The following PTPRD variants were observed in gnomAD, a reference collection of about 807,000 sequenced individuals.
PTPRD encodes protein tyrosine phosphatase receptor type D, also known as receptor-type tyrosine-protein phosphatase delta.
In PTPRD, 34 loss-of-function variants were observed where a neutral mutation model predicts 214.5. The ratio of observed to expected loss-of-function variants is 0.16; its 90% CI spans 0.12 to 0.21. The LOEUF is 0.21. PTPRD is among the 10% of genes least tolerant of loss of function. PTPRD has a pLI of 1.00. For synonymous variants in PTPRD, 1,128 were observed against 845.7 expected, an observed-to-expected ratio of 1.33 and a Z score of -5.79; for missense variants, 2,545 against 2,398.7, an observed-to-expected ratio of 1.06 and a Z score of -1.27.
chr9:10,056,277 C>T (rs2097646419), intron 3 of PTPRD, among the ~76,000 whole-genome samples: 2 of 150,856 alleles, frequency 1.3e-5, no homozygotes, highest in African/African-American at 2.4e-5. Flanking sequence ...GCTGAGATCA[C>T]GCCACTGCAT....
At chr9:10,261,484 A>C (rs2093696351) in intron 3 of PTPRD, among the ~76,000 whole-genome samples, 1 of 152,106 alleles carries the variant, frequency 6.6e-6, no homozygotes, top group Admixed American at 6.5e-5. Flanking sequence ...AAAGTAAAAC[A>C]ATATAAATGC....
At chr9:10,213,835 G>C (rs900198457) in intron 3 of PTPRD, among the ~76,000 whole-genome samples, 2 of 151,926 alleles carry the variant, frequency 1.3e-5, no homozygotes, top group Non-Finnish European at 2.9e-5. Context: ...ATCACCCTTA[G>C]TTTTCTTATT....
chr9:8,425,398 C>A (rs1166177420), intron 35 of PTPRD, among the ~76,000 whole-genome samples: 1 of 151,980 alleles, frequency 6.6e-6, no homozygotes. Context: ...TTGTTATGAC[C>A]TTTCAAGGGT....
chr9:9,847,576 C>T (rs549557242), intron 5 of PTPRD, among the ~76,000 whole-genome samples: 2 of 152,200 alleles, frequency 1.3e-5, no homozygotes, highest in East Asian at 3.9e-4. Flanking sequence ...TTGTCATATT[C>T]TTGCCACTTT....
At chr9:10,214,244 C>A (rs2099530286) in intron 3 of PTPRD, among the ~76,000 whole-genome samples, 1 of 151,692 alleles carries the variant, frequency 6.6e-6, no homozygotes, top group Non-Finnish European at 1.5e-5. Context: ...ACAACCACTA[C>A]CTTCTTCATT....
At chr9:10,226,620 C>A (rs1322136) in intron 3 of PTPRD, among the ~76,000 whole-genome samples, 135,320 of 152,072 alleles carry the variant, frequency 0.89, 60,300 homozygotes, top group Middle Eastern at 0.94. Flanking sequence ...CGAACCAAAC[C>A]GCATTAAATC....
At chr9:10,099,174 C>T (rs2098526219) in intron 3 of PTPRD, among the ~76,000 whole-genome samples, 1 of 151,696 alleles carries the variant, frequency 6.6e-6, no homozygotes. Flanking sequence ...TGAAAGTCAG[C>T]ATAAGTGTAC....
At chr9:9,928,194 T>C (rs139153137) in intron 5 of PTPRD, among the ~76,000 whole-genome samples, 49 of 152,326 alleles carry the variant, frequency 3.2e-4, no homozygotes, top group African/African-American at 1.1e-3. Flanking sequence ...TGATGTTAGC[T>C]GCAGCTTAAA....
chr9:9,301,623 C>T (rs559239121), intron 9 of PTPRD, among the ~76,000 whole-genome samples: 2 of 151,988 alleles, frequency 1.3e-5, no homozygotes, highest in South Asian at 4.1e-4. Context: ...ATTGCTTTTA[C>T]TGAAGCCGAC....
intron 11 of PTPRD, among the ~76,000 whole-genome samples, chr9:8,802,298 C>T (rs1245622298): frequency 1.3e-5 from 2 of 152,078 alleles, no homozygotes; most frequent in Non-Finnish European, 1.5e-5. Flanking sequence ...GAAAGCAATA[C>T]AGAAATCTCT....
At position 8,784,420 on chromosome 9, in the gene PTPRD, G is replaced by A. The variant is rs187734984; in HGVS notation, c.-103-50474C>T. Among the ~76,000 whole-genome samples, 6 of 152,296 alleles carry A rather than the reference G, an allele frequency of 3.9e-5. No homozygotes were observed. The East Asian group carries it at 9.6e-4, about 24-fold the overall frequency. On this transcript the variant is annotated intron_variant, in intron 11 of 45. Transcript: ENST00000381196. ...GGCAGATATTTTCATTGCTTAAGGT[G>A]TATGATTCTCTTTATTCAATAACTT... is the stretch of plus-strand genomic sequence containing the variant.
At chr9:9,506,146 T>G (rs2154237121) in intron 8 of PTPRD, among the ~76,000 whole-genome samples, 1 of 151,610 alleles carries the variant, frequency 6.6e-6, no homozygotes, top group Non-Finnish European at 1.5e-5. Flanking sequence ...TTGAATACAT[T>G]TCAAATAGTC....
At chr9:9,205,128 T>A (rs1457238171) in intron 9 of PTPRD, among the ~76,000 whole-genome samples, 1 of 152,144 alleles carries the variant, frequency 6.6e-6, no homozygotes, top group Non-Finnish European at 1.5e-5. Context: ...AAATAATAAA[T>A]CACTTATTTA....
At chr9:10,285,214 T>A (rs894820494) in intron 3 of PTPRD, among the ~76,000 whole-genome samples, 1 of 152,184 alleles carries the variant, frequency 6.6e-6, no homozygotes, top group Non-Finnish European at 1.5e-5. Flanking sequence ...ATCACTTGCA[T>A]ACGATACTGT....
intron 14 of PTPRD, among the ~76,000 whole-genome samples, chr9:8,553,927 G>T (rs536769090): frequency 1.3e-5 from 2 of 152,144 alleles, no homozygotes; most frequent in Non-Finnish European, 2.9e-5. Flanking sequence ...GGTGGCTCAC[G>T]CCTGTAATCC....
At chr9:9,532,564 G>C (rs2075714331) in intron 8 of PTPRD, among the ~76,000 whole-genome samples, 1 of 152,098 alleles carries the variant, frequency 6.6e-6, no homozygotes, top group African/African-American at 2.4e-5. Context: ...AGATTTCTTT[G>C]AGAATTCAGG....
chr9:9,392,296 C>A (rs542423976), intron 9 of PTPRD, among the ~76,000 whole-genome samples: 1 of 152,112 alleles, frequency 6.6e-6, no homozygotes, highest in East Asian at 1.9e-4. Flanking sequence ...GGTCATAAAC[C>A]TGCTTACAAT....
At chr9:10,284,534 A>G (rs1430941826) in intron 3 of PTPRD, among the ~76,000 whole-genome samples, 2 of 152,222 alleles carry the variant, frequency 1.3e-5, no homozygotes, top group African/African-American at 4.8e-5. Context: ...ATTGCTGTAG[A>G]AAATTACTAC....
chr9:10,396,218 A>C (rs958453260), intron 2 of PTPRD, among the ~76,000 whole-genome samples: 1 of 151,970 alleles, frequency 6.6e-6, no homozygotes, highest in Non-Finnish European at 1.5e-5. Flanking sequence ...AATGTGATAT[A>C]ATAAGGAAAT....
Sources: gnomAD v4.1 joint callset for allele counts (sites outside exome capture counted in the v4.1 genomes callset) on GRCh38, gnomAD v4.1.1 for gene constraint, MANE v1.5 for transcripts, NCBI Gene and HGNC (gene_info 2026-07-23, HGNC 2026-07-21) for gene names.